PCDHGA10: variants seen among roughly 807,000 people sequenced by gnomAD.
The protein encoded by PCDHGA10 is protocadherin gamma-A10.
Under a neutral mutation model 59.5 loss-of-function variants are expected in PCDHGA10, and 42 were observed. That is an observed-to-expected ratio of 0.71 (90% CI 0.55 to 0.91). The LOEUF is 0.91. PCDHGA10 is among the 40% of genes least tolerant of loss of function. The probability of loss-of-function intolerance (pLI) is 0.00; values close to 1 mark genes in which losing one functional copy is unlikely to be tolerated. For synonymous variants in PCDHGA10, 511 were observed against 517.2 expected, an observed-to-expected ratio of 0.99 and a Z score of 0.16; for missense variants, 1,111 against 1,198.2, an observed-to-expected ratio of 0.93 and a Z score of 1.07.
intron 2 of PCDHGA10, among the ~76,000 whole-genome samples, chr5:141,504,238 G>A (rs1043662594): frequency 2.0e-5 from 3 of 152,228 alleles, no homozygotes; most frequent in African/African-American, 7.2e-5. Flanking sequence ...CTAAGAAGCA[G>A]AGAGTTCTTC....
rs1413324509 is a variant in PCDHGA10 at position 141,431,464 on chromosome 5, G to T, written c.2436+15853G>T. The T allele has an allele frequency of 6.2e-7, 1 of 1,613,782 alleles. No homozygotes were observed. The highest frequency in any genetic ancestry group is 2.2e-5 in the East Asian group (1 of 44,880). ...GCATCCGCGTGATGGTTCTGGATGC[G>T]AACGACAACGCACCAGCGTTTGCTC... On this transcript the variant is annotated intron_variant, in intron 1 of 3. Transcript: ENST00000398610. This position sits in a 1 kb window ranked among gnomAD's most constrained non-coding sequence, Gnocchi z 4.8.
intron 1 of PCDHGA10, among the ~76,000 whole-genome samples, chr5:141,469,436 G>T (rs556417221): frequency 6.6e-6 from 1 of 152,002 alleles, no homozygotes; most frequent in Non-Finnish European, 1.5e-5. Flanking sequence ...TTAGCTGGGC[G>T]TGGTGGTGCA....
intron 1 of PCDHGA10, among the ~76,000 whole-genome samples, chr5:141,453,080 A>T (rs1323212808): frequency 6.6e-6 from 1 of 151,960 alleles, no homozygotes; most frequent in Non-Finnish European, 1.5e-5. Context: ...ACTCTGGTTG[A>T]TTAGTATATT....
intron 2 of PCDHGA10, among the ~76,000 whole-genome samples, chr5:141,504,788 TC>T (rs1235410120): frequency 6.6e-6 from 1 of 152,070 alleles, no homozygotes; most frequent in Non-Finnish European, 1.5e-5. Context: ...TCTTGGGGCC[TC>T]CTACATCTCC....
intron 1 of PCDHGA10, among the ~76,000 whole-genome samples, chr5:141,463,316 T>A (rs1290852110): frequency 1.3e-5 from 2 of 151,806 alleles, no homozygotes; most frequent in African/African-American, 2.4e-5. Flanking sequence ...TAATATCTAT[T>A]CCTCAACTCA....
At position 141,481,719 on chromosome 5, in the gene PCDHGA10, G is replaced by A. The variant is rs1055207250; in HGVS notation, c.2437-13088G>A. On this transcript the variant is annotated intron_variant, in intron 1 of 3. Coordinates refer to ENST00000398610, the MANE Select transcript of PCDHGA10 (RefSeq NM_018913.3). ...CTGTAATCCCAGCACTTTGGGAGGC[G>A]GAGGCGGGCGGATCACGAGGTCAGG... 5.3e-5 allele frequency among the ~76,000 whole-genome samples: 8 copies of A among 151,716 alleles called. No homozygotes were observed. In the East Asian group the frequency reaches 9.7e-4, roughly 18 times the overall value.
chr5:141,468,374 C>T (rs1340499708), intron 1 of PCDHGA10: 2 of 150,736 alleles, frequency 1.3e-5, no homozygotes, highest in Non-Finnish European at 3.0e-5. Context: ...ATAACTCAGC[C>T]ATACAAGGCT....
At position 141,431,776 on chromosome 5, in the gene PCDHGA10, C is replaced by A; in HGVS notation, c.2436+16165C>A. Reference sequence around the variant, plus strand: ...CCAAAGTCCTGATCACTGTTCTGGACGTGAACGACAATGCCCCAGAAGTGG... The same window carrying A: ...CCAAAGTCCTGATCACTGTTCTGGAAGTGAACGACAATGCCCCAGAAGTGG... On this transcript the variant is annotated intron_variant, in intron 1 of 3. Coordinates refer to ENST00000398610, the MANE Select transcript of PCDHGA10 (RefSeq NM_018913.3). The surrounding 1 kb of genome is among the most constrained non-coding windows in gnomAD (Gnocchi z 4.8). The A allele has an allele frequency of 6.2e-7, 1 of 1,614,228 alleles. No homozygotes were observed. The highest frequency in any genetic ancestry group is 8.5e-7 in the Non-Finnish European group (1 of 1,180,044).
intron 2 of PCDHGA10, among the ~76,000 whole-genome samples, chr5:141,496,744 T>C (rs1383447795): frequency 6.6e-6 from 1 of 152,170 alleles, no homozygotes; most frequent in Non-Finnish European, 1.5e-5. Context: ...GTTCATTTAT[T>C]CAACAAATAT....
In PCDHGA10 at chr5:141,432,006, C is replaced by T. The variant is rs138689793; in HGVS notation, c.2436+16395C>T. Reference sequence around the variant, plus strand: ...ATAGTCTTGGATAGGGAACAGGTTCCTAGCTACAACATCACAGTGACCGCC... The same window carrying T: ...ATAGTCTTGGATAGGGAACAGGTTCTTAGCTACAACATCACAGTGACCGCC... On this transcript the variant is annotated intron_variant, in intron 1 of 3. Transcript: ENST00000398610. This position sits in a 1 kb window ranked among gnomAD's most constrained non-coding sequence, Gnocchi z 6.0. The T allele has an allele frequency of 2.6e-4, 412 of 1,614,186 alleles. 2 individuals carry two copies. The African/African-American group carries it at 4.6e-3, about 18-fold the overall frequency.
intron 1 of PCDHGA10, chr5:141,428,461 G>A: frequency 2.8e-6 from 1 of 352,014 alleles, no homozygotes; most frequent in South Asian, 2.8e-5. Flanking sequence ...CAACTACAAT[G>A]AGGGAACTTT....
chr5:141,427,626 C>T, intron 1 of PCDHGA10: 1 of 699,934 alleles, frequency 1.4e-6, no homozygotes, highest in Non-Finnish European at 2.6e-6. Flanking sequence ...CGACAATGCT[C>T]CGGTTTTCCA....
In PCDHGA10 at chr5:141,491,177, T is replaced by G; in HGVS notation, c.2437-3630T>G. The G allele has an allele frequency of 6.2e-7, 1 of 1,614,158 alleles. No homozygotes were observed. Among genetic ancestry groups the G allele is most frequent in the Non-Finnish European group, 8.5e-7 (1 of 1,180,010 alleles). Reference sequence around the variant, plus strand: ...GACTCTGACACCCAGCAGGTGGTGGTCCTGGTGAGGGACAATGGTGACCCT... The same window carrying G: ...GACTCTGACACCCAGCAGGTGGTGGGCCTGGTGAGGGACAATGGTGACCCT... On this transcript the variant is annotated intron_variant, in intron 1 of 3. Transcript: ENST00000398610. This position sits in a 1 kb window ranked among gnomAD's most constrained non-coding sequence, Gnocchi z 6.9.
chr5:141,438,450 A>G (rs1017249043), intron 1 of PCDHGA10, among the ~76,000 whole-genome samples: 32 of 151,738 alleles, frequency 2.1e-4, no homozygotes, highest in African/African-American at 7.5e-4. Flanking sequence ...ACTCAATACA[A>G]TGCTTGAGTT....
At chr5:141,422,980 C>T in intron 1 of PCDHGA10, 1 of 1,614,232 alleles carries the variant, frequency 6.2e-7, no homozygotes, top group Middle Eastern at 1.7e-4. Flanking sequence ...CTCTGCGGAA[C>T]CTGGCTACCT....
Position 141,447,955 on chromosome 5 carries a change from G to A in PCDHGA10, c.2436+32344G>A, listed in dbSNP as rs536740280. On this transcript the variant is annotated intron_variant, in intron 1 of 3. Coordinates refer to ENST00000398610, the MANE Select transcript of PCDHGA10 (RefSeq NM_018913.3). ...ACAAAAATTAGCTGGGCATGGTGGC[G>A]GACACCTATAATCCCAGCTACTCGG... Among the ~76,000 whole-genome samples the A allele has an allele frequency of 1.6e-4, 24 of 151,898 alleles. 1 individual carries two copies. The highest frequency in any genetic ancestry group is 8.3e-4 in the South Asian group (4 of 4,816).
rs907427230 is a variant in PCDHGA10, at chr5:141,489,936, G to A, written c.2437-4871G>A. 4 of 1,614,096 alleles carry A rather than the reference G, an allele frequency of 2.5e-6. No homozygotes were observed. In the African/African-American group the frequency reaches 5.3e-5, roughly 22 times the overall value. ...GGACCACCCTTATCTCTGTCATCGT[G>A]CTGGACATCAATGATAATGCTCCAA... is the stretch of plus-strand genomic sequence containing the variant. On this transcript the variant is annotated intron_variant, in intron 1 of 3. Coordinates refer to ENST00000398610, the MANE Select transcript of PCDHGA10 (RefSeq NM_018913.3). This position sits in a 1 kb window ranked among gnomAD's most constrained non-coding sequence, Gnocchi z 4.5.
At chr5:141,421,813 G>A in intron 1 of PCDHGA10, 1 of 1,613,838 alleles carries the variant, frequency 6.2e-7, no homozygotes, top group Non-Finnish European at 8.5e-7. Flanking sequence ...TCCAGAGCTA[G>A]TACTGGAGGG....
In PCDHGA10 at chr5:141,413,815, C is replaced by T. The variant is rs1357769705; in HGVS notation, c.640C>T (p.Leu214=). 6.8e-6 allele frequency: 11 copies of T among 1,613,224 alleles called. No individual in the cohort carries two copies. Among genetic ancestry groups the T allele is most frequent in the Non-Finnish European group, 8.5e-6 (10 of 1,179,878 alleles). ...TCGCGAGGAAGAGGCCATTCACCACCTGGTCCTCACCGCCTCCGACGGGGG... is the reference window on the plus strand; with the variant it reads ...TCGCGAGGAAGAGGCCATTCACCACTTGGTCCTCACCGCCTCCGACGGGGG... ...LDREEEAIHH[L]VLTASDGGDP... is the part of the protein sequence containing the mutation. Residue 214 remains leucine (L), a synonymous_variant, in exon 1 of 4, where the codon CTG becomes TTG. Coordinates refer to ENST00000398610, the MANE Select transcript of PCDHGA10 (RefSeq NM_018913.3).
Sources: allele counts gnomAD v4.1 joint callset (sites outside exome capture counted in the v4.1 genomes callset), GRCh38; gene constraint gnomAD v4.1.1; non-coding constraint Gnocchi (gnomAD v3.1); transcripts MANE v1.5; gene names NCBI Gene and HGNC (gene_info 2026-07-23, HGNC 2026-07-21).